BMERB1: variants seen among roughly 807,000 people sequenced by gnomAD.
The protein encoded by BMERB1 is bMERB domain containing 1, also known as bMERB domain-containing protein 1.
In BMERB1, 12 loss-of-function variants were observed where a neutral mutation model predicts 23.6. That is an observed-to-expected ratio of 0.51 (90% CI 0.33 to 0.82). The LOEUF (loss-of-function observed/expected upper bound fraction) is 0.82, where lower values mean the gene tolerates loss of function less well. Ranked by LOEUF, BMERB1 falls within the 40% of genes least tolerant of loss-of-function variation. BMERB1 has a pLI of 0.03. For missense variants in BMERB1, 247 were observed against 255.4 expected (o/e 0.97, Z 0.22); for synonymous variants, 122 against 96.6 (o/e 1.26, Z -1.54).
Position 15,447,619 on chromosome 16 carries a change from G to T in BMERB1, c.106+12860G>T, listed in dbSNP as rs114289127. Among the ~76,000 whole-genome samples the T allele has an allele frequency of 4.3e-3, 653 of 152,294 alleles. 7 individuals are homozygous for T. Among genetic ancestry groups the T allele is most frequent in the African/African-American group, 0.015 (612 of 41,558 alleles). ...GGTGGCGATCATGTTAATAGAAGAG[G>T]ATGTGAAGTGGGAATTGACCTGATA... On this transcript the variant is annotated intron_variant, in intron 1 of 5. Transcript: ENST00000300006.
intron 1 of BMERB1, among the ~76,000 whole-genome samples, chr16:15,494,071 G>T (rs1229198798): frequency 6.6e-6 from 1 of 152,194 alleles, no homozygotes; most frequent in Non-Finnish European, 1.5e-5. Context: ...GCTCAGGATA[G>T]ATTTATAATT....
intron 2 of BMERB1, among the ~76,000 whole-genome samples, chr16:15,536,194 CAAG>C (rs1378713913): frequency 6.6e-6 from 1 of 152,096 alleles, no homozygotes; most frequent in African/African-American, 2.4e-5. Context: ...CCAGATGAGA[CAAG>C]GAGGTGATCT....
intron 2 of BMERB1, among the ~76,000 whole-genome samples, chr16:15,544,299 A>G (rs958105643): frequency 1.3e-5 from 2 of 152,188 alleles, no homozygotes; most frequent in African/African-American, 2.4e-5. Context: ...TTCATTCCAC[A>G]TTTGTATGAG....
intron 1 of BMERB1, among the ~76,000 whole-genome samples, chr16:15,469,599 T>C (rs576541751): frequency 3.0e-4 from 45 of 152,354 alleles, no homozygotes; most frequent in Admixed American, 1.2e-3. Flanking sequence ...CTTTACTATG[T>C]GGAGTTTGCC....
rs1376557771 is a variant in BMERB1, at chr16:15,530,906, T to TC, written c.230+15478_230+15479insC. Reference sequence around the variant, plus strand: ...AATTAAACCTCTTTTCTTCTTTCTTTTTTTTTTTTTTTTTTTTTGAGACGG... The same window carrying TC: ...AATTAAACCTCTTTTCTTCTTTCTTTCTTTTTTTTTTTTTTTTTTGAGACGG... On this transcript the variant is annotated intron_variant, in intron 2 of 5. Transcript: ENST00000300006. Among the ~76,000 whole-genome samples the TC allele has an allele frequency of 3.5e-5, 5 of 143,644 alleles. No individual in the cohort carries two copies. The East Asian group carries it at 8.1e-4, about 23-fold the overall frequency. 94.2% of individuals were successfully genotyped at this position (143,644 alleles called of 152,430 possible).
chr16:15,580,650 T>C (rs964849962), intron 3 of BMERB1, among the ~76,000 whole-genome samples: 1 of 150,622 alleles, frequency 6.6e-6, no homozygotes. Flanking sequence ...CGGGTTCATG[T>C]CATTCTCCTG....
At chr16:15,522,633 G>A (rs979104171) in intron 2 of BMERB1, among the ~76,000 whole-genome samples, 8 of 152,146 alleles carry the variant, frequency 5.3e-5, no homozygotes, top group African/African-American at 1.9e-4. Context: ...CAAGTCTCTT[G>A]CCCATGGTTG....
chr16:15,447,964 A>T (rs760872417), intron 1 of BMERB1: 31 of 454,008 alleles, frequency 6.8e-5, no homozygotes, highest in Non-Finnish European at 1.3e-4. Flanking sequence ...ATCACGGCTC[A>T]CTTCAACCTC....
rs371405961 is a variant in BMERB1 at position 15,531,629 on chromosome 16, C to T, written c.230+16201C>T. On this transcript the variant is annotated intron_variant, in intron 2 of 5. Transcript: ENST00000300006. ...GCACCCTCATAGCTTCATCCTGTGCCGGGTTCTCATCATTTTTTTGAAATC... is the reference window on the plus strand; with the variant it reads ...GCACCCTCATAGCTTCATCCTGTGCTGGGTTCTCATCATTTTTTTGAAATC... 9.2e-5 allele frequency among the ~76,000 whole-genome samples: 14 copies of T among 152,204 alleles called. No homozygotes were observed. In the South Asian group the frequency reaches 1.5e-3, roughly 16 times the overall value.
At chr16:15,483,741 G>C (rs1393596260) in intron 1 of BMERB1, among the ~76,000 whole-genome samples, 1 of 152,148 alleles carries the variant, frequency 6.6e-6, no homozygotes, top group Non-Finnish European at 1.5e-5. Context: ...ACTTGGGCAA[G>C]TTATGTCCCC....
intron 3 of BMERB1, 27 bp from the exon 4 acceptor site, chr16:15,581,190 G>C (rs919871694): frequency 1.3e-6 from 2 of 1,568,318 alleles, no homozygotes; most frequent in Non-Finnish European, 1.7e-6. Context: ...ATGCTCATCT[G>C]TCTCCTTGTT....
chr16:15,451,817 C>T (rs1367627005), intron 1 of BMERB1, among the ~76,000 whole-genome samples: 2 of 146,220 alleles, frequency 1.4e-5, no homozygotes, highest in African/African-American at 5.2e-5. Flanking sequence ...CTCAAGTGAG[C>T]CTCCTGCCTC....
chr16:15,438,564 A>G (rs1031933745), intron 1 of BMERB1, among the ~76,000 whole-genome samples: 3 of 151,366 alleles, frequency 2.0e-5, no homozygotes, highest in Non-Finnish European at 2.9e-5. Flanking sequence ...GGTTCAAGCA[A>G]TTCTCCCGCC....
intron 1 of BMERB1, among the ~76,000 whole-genome samples, chr16:15,474,083 G>A (rs2051255748): frequency 6.8e-6 from 1 of 146,920 alleles, no homozygotes; most frequent in Admixed American, 6.9e-5. Context: ...TCATGCCACT[G>A]CACTCCAGCC....
At chr16:15,559,157 C>T (rs541478979) in intron 2 of BMERB1, among the ~76,000 whole-genome samples, 45 of 152,222 alleles carry the variant, frequency 3.0e-4, no homozygotes, top group Admixed American at 2.6e-3. Context: ...ATGACACATA[C>T]GTGACTATGG....
intron 2 of BMERB1, among the ~76,000 whole-genome samples, chr16:15,518,054 G>C (rs1252324570): frequency 6.6e-6 from 1 of 152,004 alleles, no homozygotes; most frequent in Non-Finnish European, 1.5e-5. Context: ...TGGATGTATG[G>C]ATATGTGTGT....
At chr16:15,497,191 G>A (rs764431136) in intron 1 of BMERB1, among the ~76,000 whole-genome samples, 7 of 152,142 alleles carry the variant, frequency 4.6e-5, no homozygotes, top group Non-Finnish European at 8.8e-5. Flanking sequence ...CTTTACTCAG[G>A]TGTTGCAGCC....
intron 5 of BMERB1, among the ~76,000 whole-genome samples, chr16:15,586,099 G>A (rs1285154290): frequency 2.0e-5 from 3 of 152,006 alleles, no homozygotes; most frequent in Non-Finnish European, 4.4e-5. Context: ...AAACTCAATG[G>A]ATTAAATACA....
chr16:15,522,454 C>T (rs912566202), intron 2 of BMERB1, among the ~76,000 whole-genome samples: 11 of 151,560 alleles, frequency 7.3e-5, no homozygotes, highest in Non-Finnish European at 1.5e-4. Context: ...CACACACACA[C>T]GGAAAGTGTG....
Sources: allele counts gnomAD v4.1 joint callset (sites outside exome capture counted in the v4.1 genomes callset), GRCh38; gene constraint gnomAD v4.1.1; transcripts MANE v1.5; gene names NCBI Gene and HGNC (gene_info 2026-07-23, HGNC 2026-07-21).